Variants in RXRA observed in about 807,000 individuals in gnomAD.
The protein encoded by RXRA is retinoid X receptor alpha.
RXRA carries 5 observed loss-of-function variants against 44.5 expected under a neutral mutation model. That is an observed-to-expected ratio of 0.11 (90% confidence interval 0.06 to 0.24). The LOEUF is 0.24. Among genes scored for constraint, RXRA ranks in the 10% least tolerant of loss-of-function variants. RXRA has a pLI of 1.00. For synonymous variants in RXRA, 291 were observed against 271.4 expected (o/e 1.07, Z -0.71); for missense variants, 412 against 646.5 (o/e 0.64, Z 3.93).
chr9:134,431,001 C>T (rs1039146043), intron 7 of RXRA, among the ~76,000 whole-genome samples: 1 of 152,244 alleles, frequency 6.6e-6, no homozygotes, highest in African/African-American at 2.4e-5. Context: ...TTCTGTCCCA[C>T]CCTGTTCTCC....
chr9:134,350,924 A>T (rs997764655), intron 1 of RXRA, among the ~76,000 whole-genome samples: 11 of 152,182 alleles, frequency 7.2e-5, no homozygotes, highest in Non-Finnish European at 1.6e-4. Context: ...CGGCTGTGTG[A>T]TGGTGTGGAG....
intron 6 of RXRA, chr9:134,423,880 A>AACC: frequency 1.2e-6 from 1 of 806,944 alleles, no homozygotes; most frequent in Non-Finnish European, 1.5e-6. Context: ...CTCCCACCCC[A>AACC]CCCCAACCCA....
At chr9:134,352,434 C>T (rs1217518969) in intron 1 of RXRA, among the ~76,000 whole-genome samples, 2 of 152,122 alleles carry the variant, frequency 1.3e-5, no homozygotes, top group Non-Finnish European at 2.9e-5. Context: ...GGGCCCTGCT[C>T]TAGGCCCCAG....
chr9:134,379,444 G>C (rs1364576250), intron 1 of RXRA: 3 of 987,230 alleles, frequency 3.0e-6, no homozygotes, highest in Non-Finnish European at 3.6e-6. Context: ...CCAGGCATCT[G>C]TGTCTGTGTC....
intron 1 of RXRA, among the ~76,000 whole-genome samples, chr9:134,389,971 C>T (rs1274677347): frequency 2.0e-5 from 3 of 152,202 alleles, no homozygotes; most frequent in African/African-American, 7.2e-5. Context: ...CGGCTCGTCC[C>T]CTCCTGCTGC....
At chr9:134,388,915 G>C (rs907417597) in intron 1 of RXRA, among the ~76,000 whole-genome samples, 2 of 152,156 alleles carry the variant, frequency 1.3e-5, no homozygotes, top group African/African-American at 4.8e-5. Context: ...TGACGGACTG[G>C]GTGTGGGTCA....
chr9:134,403,600 C>T (rs1473485742), intron 2 of RXRA: 2 of 152,336 alleles, frequency 1.3e-5, no homozygotes, highest in East Asian at 3.8e-4. Flanking sequence ...AGTAGGTTAC[C>T]CCCTGCGGGT....
At position 134,437,119 on chromosome 9, in the gene RXRA, G is replaced by A. The variant is rs1588314218; in HGVS notation, c.*505G>A. The A allele has an allele frequency of 6.2e-6, 1 of 162,154 alleles. No individual in the cohort carries two copies. Among genetic ancestry groups the A allele is most frequent in the Admixed American group, 5.7e-5 (1 of 17,458 alleles). The allele number at this position is 162,154 out of a possible 1,614,324, so 10.0% of individuals were successfully genotyped here. On this transcript the variant is annotated 3_prime_UTR_variant, in exon 10 of 10. Coordinates refer to ENST00000481739, the MANE Select transcript of RXRA (RefSeq NM_002957.6). ...TCCCCCTAATCAGGAGGGGACAGCT[G>A]GGGGCGCAAGCTGGTGTGTCATCAG...
rs1221521830 is a variant in RXRA at position 134,326,609 on chromosome 9, C to T, written c.-23C>T. On this transcript the variant is annotated 5_prime_UTR_variant, in exon 1 of 10. Transcript: ENST00000481739. Reference sequence around the variant, plus strand: ...CGCCGCCCGCTGCCTGCGCCGCCGGCCGGGCATGAGTTAGTCGCAGACATG... The same window carrying T: ...CGCCGCCCGCTGCCTGCGCCGCCGGTCGGGCATGAGTTAGTCGCAGACATG... The T allele has an allele frequency of 3.1e-6, 3 of 956,550 alleles. No homozygotes were observed. Among genetic ancestry groups the T allele is most frequent in the Admixed American group, 6.5e-5 (1 of 15,476 alleles). The allele number at this position is 956,550 out of a possible 1,614,324, so 59.3% of individuals were successfully genotyped here. A position where few individuals can be genotyped will look rare whatever the true frequency, so the allele number is the denominator to read the frequency against.
At chr9:134,419,208 AG>A (rs1315792246) in intron 5 of RXRA, among the ~76,000 whole-genome samples, 1 of 152,072 alleles carries the variant, frequency 6.6e-6, no homozygotes, top group Non-Finnish European at 1.5e-5. Context: ...AGGGCAGGGG[AG>A]GGAGGGTGGC....
chr9:134,389,990 C>G (rs574171019), intron 1 of RXRA, among the ~76,000 whole-genome samples: 394 of 152,290 alleles, frequency 2.6e-3, no homozygotes, highest in Non-Finnish European at 3.8e-3. Flanking sequence ...GCCACAGTAC[C>G]CTGATATGTG....
chr9:134,389,185 T>G (rs1830764575), intron 1 of RXRA, among the ~76,000 whole-genome samples: 1 of 152,202 alleles, frequency 6.6e-6, no homozygotes, highest in South Asian at 2.1e-4. Flanking sequence ...GACTGCACGT[T>G]GTTGCCATTT....
At chr9:134,419,806 C>T (rs1217689150) in intron 5 of RXRA, among the ~76,000 whole-genome samples, 1 of 152,206 alleles carries the variant, frequency 6.6e-6, no homozygotes, top group African/African-American at 2.4e-5. Context: ...TAGGGGACCC[C>T]CTCCAGGCCT....
intron 1 of RXRA, among the ~76,000 whole-genome samples, chr9:134,328,422 G>A (rs1457949671): frequency 6.6e-6 from 1 of 151,934 alleles, no homozygotes; most frequent in Non-Finnish European, 1.5e-5. Context: ...AGGAGGAGAG[G>A]TCGTGCCTCC....
chr9:134,353,081 G>A (rs1830241206), intron 1 of RXRA, among the ~76,000 whole-genome samples: 2 of 152,080 alleles, frequency 1.3e-5, no homozygotes, highest in Admixed American at 1.3e-4. Context: ...CCAGGTACAG[G>A]GTCCCCTTCT....
At chr9:134,351,768 A>T (rs1210111571) in intron 1 of RXRA, among the ~76,000 whole-genome samples, 1 of 152,262 alleles carries the variant, frequency 6.6e-6, no homozygotes, top group Non-Finnish European at 1.5e-5. Context: ...CTTGTTTTTA[A>T]CCATCAGAAC....
At chr9:134,429,409 G>T (rs1831492120) in intron 7 of RXRA, among the ~76,000 whole-genome samples, 169 bp downstream of exon 7, 1 of 152,236 alleles carries the variant, frequency 6.6e-6, no homozygotes, top group African/African-American at 2.4e-5. Flanking sequence ...TCAGAGCCCT[G>T]TGCCAGCCCT....
intron 1 of RXRA, among the ~76,000 whole-genome samples, chr9:134,385,433 T>A (rs1830705110): frequency 6.6e-6 from 1 of 152,178 alleles, no homozygotes. Context: ...CTCACCAGTA[T>A]CCGAGGCTCT....
chr9:134,375,538 C>G (rs777456565), intron 1 of RXRA, among the ~76,000 whole-genome samples: 6 of 152,160 alleles, frequency 3.9e-5, no homozygotes, highest in Non-Finnish European at 8.8e-5. Flanking sequence ...AGGGTCAGCC[C>G]GGAGACTGTG....
Sources: gnomAD v4.1 joint callset for allele counts (sites outside exome capture counted in the v4.1 genomes callset) on GRCh38, gnomAD v4.1.1 for gene constraint, MANE v1.5 for transcripts, NCBI Gene and HGNC (gene_info 2026-07-23, HGNC 2026-07-21) for gene names.